Variants in NRXN1 observed in about 807,000 individuals in gnomAD.
The protein encoded by NRXN1 is neurexin 1, also known as neurexin-1.
A neutral mutation model predicts 150.9 loss-of-function variants in NRXN1; 39 were observed. The observed-to-expected ratio is 0.26, with a 90% CI of 0.20 to 0.34. The LOEUF (loss-of-function observed/expected upper bound fraction) is 0.34, where lower values mean the gene tolerates loss of function less well. Ranked by LOEUF, NRXN1 falls within the 10% of genes least tolerant of loss-of-function variation. The pLI is 1.00. For synonymous variants in NRXN1, 924 were observed against 757.0 expected (o/e 1.22, Z -3.62); for missense variants, 1,815 against 1,949.9 (o/e 0.93, Z 1.30).
At chr2:50,107,363 A>G (rs1017904717) in intron 18 of NRXN1, among the ~76,000 whole-genome samples, 2 of 151,374 alleles carry the variant, frequency 1.3e-5, no homozygotes, top group South Asian at 2.1e-4. Context: ...TGGAAATTGT[A>G]TCAGGTAAAC....
In NRXN1 at chr2:50,346,356, C is replaced by G. The variant is rs6727136; in HGVS notation, c.3365-109386G>C. 6.6e-6 allele frequency among the ~76,000 whole-genome samples: 1 copy of G among 152,136 alleles called. No homozygotes were observed. Reference sequence around the variant, plus strand: ...CCTTAGCTGAGCGCGGCGCCCCATCCGGCCACTGAGTGACCTTCTGGCAAC... The same window carrying G: ...CCTTAGCTGAGCGCGGCGCCCCATCGGGCCACTGAGTGACCTTCTGGCAAC... On this transcript the variant is annotated intron_variant, in intron 17 of 22. Transcript: ENST00000401669. The surrounding 1 kb of genome is among the most constrained non-coding windows in gnomAD (Gnocchi z 5.0).
In NRXN1 at chr2:49,952,827, T is replaced by G. The variant is rs145156209; in HGVS notation, c.4129-9036A>C. On this transcript the variant is annotated intron_variant, in intron 21 of 22. Coordinates refer to ENST00000401669, the MANE Select transcript of NRXN1 (RefSeq NM_001330078.2). Reference sequence around the variant, plus strand: ...GTAAGTGCCAATGAGATATTCATCTTTGTTTCTCTCACACAACTATCATTA... The same window carrying G: ...GTAAGTGCCAATGAGATATTCATCTGTGTTTCTCTCACACAACTATCATTA... Among the ~76,000 whole-genome samples, 1,129 of 152,264 alleles carry G rather than the reference T, an allele frequency of 7.4e-3. 10 individuals are homozygous for G. Among genetic ancestry groups the G allele is most frequent in the Non-Finnish European group, 0.013 (881 of 67,998 alleles).
intron 2 of NRXN1, among the ~76,000 whole-genome samples, chr2:50,943,207 A>G (rs1340479113): frequency 6.6e-6 from 1 of 152,126 alleles, no homozygotes; most frequent in Non-Finnish European, 1.5e-5. Context: ...CTGTAAGTCA[A>G]TTAAACCTCT....
chr2:50,656,094 C>T (rs1009637847), intron 5 of NRXN1, among the ~76,000 whole-genome samples: 6 of 151,912 alleles, frequency 3.9e-5, no homozygotes, highest in Non-Finnish European at 8.8e-5. Flanking sequence ...ATTGCTGCCA[C>T]CCTGGTCTGA....
At chr2:49,942,168 G>C (rs1002585820) in intron 22 of NRXN1, among the ~76,000 whole-genome samples, 3 of 152,160 alleles carry the variant, frequency 2.0e-5, no homozygotes, top group African/African-American at 7.2e-5. Context: ...TCGTGACAGA[G>C]CTGATCATTG....
chr2:50,417,216 C>T (rs1380885127), intron 17 of NRXN1: 1 of 152,102 alleles, frequency 6.6e-6, no homozygotes, highest in Non-Finnish European at 1.5e-5. Flanking sequence ...TCAACCCATC[C>T]TCCACAAGAT....
intron 5 of NRXN1, among the ~76,000 whole-genome samples, chr2:50,660,610 G>A (rs929990933): frequency 6.6e-6 from 1 of 152,042 alleles, no homozygotes; most frequent in African/African-American, 2.4e-5. Context: ...GTAATGTGTA[G>A]CTTGCAGTTA....
At chr2:50,254,401 T>G (rs2067489052) in intron 17 of NRXN1, among the ~76,000 whole-genome samples, 3 of 151,916 alleles carry the variant, frequency 2.0e-5, no homozygotes. Flanking sequence ...AGTTTTTTTG[T>G]GTCTTTAGCT....
intron 2 of NRXN1, among the ~76,000 whole-genome samples, chr2:51,025,983 C>G (rs1670382059): frequency 6.6e-6 from 1 of 151,956 alleles, no homozygotes; most frequent in African/African-American, 2.4e-5. Context: ...CCTGTGAAGG[C>G]TACAGAAGTC....
intron 15 of NRXN1, among the ~76,000 whole-genome samples, chr2:50,492,110 C>T (rs1226654107): frequency 6.6e-6 from 1 of 152,176 alleles, no homozygotes; most frequent in African/African-American, 2.4e-5. Flanking sequence ...TCGCACCAAC[C>T]ATTTATCTCT....
chr2:49,931,938 C>A (rs1021099614), intron 22 of NRXN1, among the ~76,000 whole-genome samples: 1 of 151,996 alleles, frequency 6.6e-6, no homozygotes, highest in African/African-American at 2.4e-5. Context: ...TCTATCTTTA[C>A]AAAATAATGA....
chr2:50,715,046 A>G (rs1180634335), intron 5 of NRXN1, among the ~76,000 whole-genome samples: 2 of 152,184 alleles, frequency 1.3e-5, no homozygotes, highest in Non-Finnish European at 2.9e-5. Flanking sequence ...GTTTACTGGT[A>G]AACATGGTAG....
At chr2:50,889,511 T>C (rs1680743894) in intron 5 of NRXN1, among the ~76,000 whole-genome samples, 1 of 151,766 alleles carries the variant, frequency 6.6e-6, no homozygotes, top group Non-Finnish European at 1.5e-5. Flanking sequence ...GGCAGCTTTC[T>C]TTCCGATTCT....
intron 5 of NRXN1, among the ~76,000 whole-genome samples, chr2:50,734,216 C>T (rs1237125220): frequency 6.6e-6 from 1 of 152,164 alleles, no homozygotes; most frequent in African/African-American, 2.4e-5. Context: ...TGCCAATCTT[C>T]AGAAACCCCG....
chr2:50,782,963 C>A (rs1263594192), intron 5 of NRXN1, among the ~76,000 whole-genome samples: 1 of 152,140 alleles, frequency 6.6e-6, no homozygotes, highest in African/African-American at 2.4e-5. Flanking sequence ...TTTTTTAAAG[C>A]TTCATTATGT....
At chr2:50,128,687 C>T (rs1648169469) in intron 18 of NRXN1, among the ~76,000 whole-genome samples, 1 of 151,920 alleles carries the variant, frequency 6.6e-6, no homozygotes, top group Admixed American at 6.6e-5. Context: ...ATGTTAAAAA[C>T]TAAATAAAGT....
intron 17 of NRXN1, among the ~76,000 whole-genome samples, chr2:50,405,728 A>G (rs897789235): frequency 9.2e-5 from 14 of 152,238 alleles, no homozygotes; most frequent in African/African-American, 3.1e-4. Context: ...CAGGTTTATT[A>G]CTCACTCACG....
intron 5 of NRXN1, among the ~76,000 whole-genome samples, chr2:50,789,816 G>A (rs921868236): frequency 3.9e-5 from 6 of 152,110 alleles, no homozygotes; most frequent in Non-Finnish European, 5.9e-5. Flanking sequence ...AATCAAACAT[G>A]CAAGATGTTT....
At chr2:50,115,593 T>C (rs1250049107) in intron 18 of NRXN1, among the ~76,000 whole-genome samples, 1 of 152,026 alleles carries the variant, frequency 6.6e-6, no homozygotes, top group Non-Finnish European at 1.5e-5. Flanking sequence ...AACCCAGTCC[T>C]GTCCAACTGC....
Sources: gnomAD v4.1 joint callset for allele counts (sites outside exome capture counted in the v4.1 genomes callset) on GRCh38, gnomAD v4.1.1 for gene constraint, Gnocchi (gnomAD v3.1) non-coding constraint, MANE v1.5 for transcripts, NCBI Gene and HGNC (gene_info 2026-07-23, HGNC 2026-07-21) for gene names.